EMCN: variants seen among roughly 807,000 people sequenced by gnomAD.
EMCN encodes endomucin.
A neutral mutation model predicts 38.4 loss-of-function variants in EMCN; 37 were observed. The ratio of observed to expected loss-of-function variants is 0.96; its 90% CI spans 0.74 to 1.27. The LOEUF is 1.27. Among genes scored for constraint, EMCN ranks in the 50% most tolerant of loss-of-function variants. The pLI is 0.00. For missense variants in EMCN, 318 were observed against 302.8 expected, an observed-to-expected ratio of 1.05 and a Z score of -0.37; for synonymous variants, 95 against 100.8, an observed-to-expected ratio of 0.94 and a Z score of 0.35.
chr4:100,504,295 T>C (rs968481424), intron 1 of EMCN, among the ~76,000 whole-genome samples: 11 of 152,202 alleles, frequency 7.2e-5, no homozygotes, highest in African/African-American at 2.7e-4. Flanking sequence ...AGCCGATAGC[T>C]GCCTAAATGC....
intron 4 of EMCN, among the ~76,000 whole-genome samples, chr4:100,449,473 T>C (rs752255593): frequency 7.9e-5 from 12 of 152,132 alleles, no homozygotes; most frequent in South Asian, 2.1e-4. Context: ...TAGAAAGCTA[T>C]GTAATTAATT....
At chr4:100,459,901 T>C (rs1235211323) in intron 4 of EMCN, among the ~76,000 whole-genome samples, 2 of 152,182 alleles carry the variant, frequency 1.3e-5, no homozygotes, top group African/African-American at 2.4e-5. Flanking sequence ...GAATTAAATA[T>C]CCCTTTGACA....
chr4:100,499,163 A>G (rs1021077693), intron 1 of EMCN, among the ~76,000 whole-genome samples: 6 of 152,294 alleles, frequency 3.9e-5, no homozygotes, highest in Admixed American at 3.3e-4. Context: ...GAATGCAGTC[A>G]TCATTCTAGG....
chr4:100,428,788 C>A (rs910098827), intron 5 of EMCN, among the ~76,000 whole-genome samples: 1 of 152,152 alleles, frequency 6.6e-6, no homozygotes, highest in African/African-American at 2.4e-5. Context: ...TAGAGACCTA[C>A]TCTAGGTCCA....
chr4:100,427,967 T>A (rs551438323), intron 5 of EMCN, among the ~76,000 whole-genome samples: 3 of 152,098 alleles, frequency 2.0e-5, no homozygotes, highest in African/African-American at 7.2e-5. Context: ...ATTGGCTTCA[T>A]CTCCGAACTA....
intron 5 of EMCN, chr4:100,446,269 A>C (rs1177114896): frequency 4.5e-6 from 4 of 897,046 alleles, no homozygotes; most frequent in Non-Finnish European, 4.0e-6. Context: ...GAAATAATAA[A>C]AAATATGGTG....
intron 1 of EMCN, among the ~76,000 whole-genome samples, chr4:100,493,569 C>T (rs578033887): frequency 1.1e-4 from 16 of 152,240 alleles, no homozygotes; most frequent in Admixed American, 7.2e-4. Flanking sequence ...ATGATTTACC[C>T]ATCTATGCTA....
At chr4:100,507,970 A>T (rs1578239438) in intron 1 of EMCN, among the ~76,000 whole-genome samples, 1 of 152,180 alleles carries the variant, frequency 6.6e-6, no homozygotes, top group African/African-American at 2.4e-5. Flanking sequence ...CTAACTGAAA[A>T]ATCTCTAAAG....
chr4:100,413,575 A>T (rs912164946), intron 10 of EMCN, among the ~76,000 whole-genome samples: 34 of 152,270 alleles, frequency 2.2e-4, no homozygotes, highest in African/African-American at 8.2e-4. Context: ...TTAATGATAG[A>T]CTTGAATAAA....
chr4:100,455,344 T>C (rs561267881), intron 4 of EMCN, among the ~76,000 whole-genome samples: 1 of 152,114 alleles, frequency 6.6e-6, no homozygotes, highest in Non-Finnish European at 1.5e-5. Context: ...TAAAAGTCTT[T>C]CATAGTTGCT....
intron 1 of EMCN, among the ~76,000 whole-genome samples, chr4:100,499,776 G>T (rs909269812): frequency 1.3e-5 from 2 of 152,148 alleles, no homozygotes; most frequent in Non-Finnish European, 2.9e-5. Context: ...ATCAATTAGT[G>T]TATAACTAAT....
chr4:100,408,244 A>G (rs1252837062), intron 11 of EMCN, among the ~76,000 whole-genome samples: 1 of 152,190 alleles, frequency 6.6e-6, no homozygotes, highest in Non-Finnish European at 1.5e-5. Flanking sequence ...TATTCTGGTT[A>G]AGAATCACTG....
rs570954589 is a variant in EMCN, at chr4:100,490,585, T to G, written c.65-10546A>C. On this transcript the variant is annotated intron_variant, in intron 1 of 11. Coordinates refer to ENST00000296420, the MANE Select transcript of EMCN (RefSeq NM_016242.4). ...TGTGCCTTTTCTATGTTTAGATACA[T>G]GCATACTTACCATTGTATTTAAATT... is the stretch of plus-strand genomic sequence containing the variant. Among the ~76,000 whole-genome samples the G allele has an allele frequency of 2.6e-5, 4 of 152,332 alleles. No homozygotes were observed. In the South Asian group the frequency reaches 8.3e-4, roughly 32 times the overall value.
chr4:100,397,890 T>C lies in EMCN; in HGVS notation c.*523A>G, dbSNP rs1021153949. On this transcript the variant is annotated 3_prime_UTR_variant, in exon 12 of 12. Coordinates refer to ENST00000296420, the MANE Select transcript of EMCN (RefSeq NM_016242.4). ...CACGAAAGCAGGAATAAAATACTTA[T>C]ATGTACAAAGTAGCATGGTATGATT... is the stretch of plus-strand genomic sequence containing the variant. 1.3e-5 allele frequency: 2 copies of C among 152,182 alleles called. No homozygotes were observed. The highest frequency in any genetic ancestry group is 6.5e-5 in the Admixed American group (1 of 15,276). The allele number at this position is 152,182 out of a possible 1,614,324, so 9.4% of individuals were successfully genotyped here. A position where few individuals can be genotyped will look rare whatever the true frequency, so the allele number is the denominator to read the frequency against.
intron 3 of EMCN, among the ~76,000 whole-genome samples, chr4:100,466,774 A>G (rs536657981): frequency 2.9e-4 from 44 of 152,192 alleles, no homozygotes; most frequent in Non-Finnish European, 4.9e-4. Context: ...GAAACTCAAC[A>G]TTTGAGGATG....
intron 5 of EMCN, among the ~76,000 whole-genome samples, chr4:100,440,982 G>A (rs1471611313): frequency 6.6e-6 from 1 of 152,028 alleles, no homozygotes; most frequent in Non-Finnish European, 1.5e-5. Context: ...CAGCTACTTG[G>A]GAAGCTGAGG....
At chr4:100,416,043 AC>A in intron 9 of EMCN, 84 bp from the exon 10 acceptor site, 1 of 827,542 alleles carries the variant, frequency 1.2e-6, no homozygotes, top group Non-Finnish European at 1.9e-6. Context: ...AAACAGAATG[AC>A]GAAGATACAT....
intron 1 of EMCN, among the ~76,000 whole-genome samples, chr4:100,496,834 A>G (rs1729219279): frequency 6.6e-6 from 1 of 152,184 alleles, no homozygotes. Context: ...CTTAAGTACC[A>G]GAAGTTGTAC....
At chr4:100,486,335 G>A (rs774238830) in intron 1 of EMCN, among the ~76,000 whole-genome samples, 2 of 152,050 alleles carry the variant, frequency 1.3e-5, no homozygotes, top group Non-Finnish European at 2.9e-5. Context: ...GTCCAAAAAG[G>A]GACATTGACA....
Sources: allele counts gnomAD v4.1 joint callset (sites outside exome capture counted in the v4.1 genomes callset), GRCh38; gene constraint gnomAD v4.1.1; transcripts MANE v1.5; gene names NCBI Gene and HGNC (gene_info 2026-07-23, HGNC 2026-07-21).